ARMC2: variants seen among roughly 807,000 people sequenced by gnomAD.
ARMC2 encodes armadillo repeat containing 2.
ARMC2 carries 67 observed loss-of-function variants against 90.3 expected under a neutral mutation model. That is an observed-to-expected ratio of 0.74 (90% CI 0.61 to 0.91). The LOEUF (loss-of-function observed/expected upper bound fraction) is 0.91, where lower values mean the gene tolerates loss of function less well. ARMC2 is among the 40% of genes least tolerant of loss of function. The pLI is 0.00. For synonymous variants in ARMC2, 393 were observed against 393.0 expected (o/e 1.00, Z 0.00); for missense variants, 920 against 1,030.9 (o/e 0.89, Z 1.47).
chr6:108,938,115 A>G (rs1232719413), intron 12 of ARMC2, among the ~76,000 whole-genome samples: 1 of 152,222 alleles, frequency 6.6e-6, no homozygotes, highest in African/African-American at 2.4e-5. Flanking sequence ...TTGTCCATGA[A>G]TACAATGAGT....
chr6:108,953,688 CA>C (rs1277980203), intron 13 of ARMC2, among the ~76,000 whole-genome samples: 1 of 152,166 alleles, frequency 6.6e-6, no homozygotes, highest in Non-Finnish European at 1.5e-5. Flanking sequence ...AAACTAACCA[CA>C]AAGAGTTTAA....
intron 11 of ARMC2, 132 bp from the exon 12 acceptor site, chr6:108,936,768 A>G (rs1270198740): frequency 1.4e-6 from 1 of 715,062 alleles, no homozygotes; most frequent in Non-Finnish European, 2.3e-6. Flanking sequence ...ACTGATGTGT[A>G]GAGTATTTTT....
intron 4 of ARMC2, 42 bp from the exon 5 acceptor site, chr6:108,876,101 A>G (rs2128438299): frequency 1.4e-6 from 2 of 1,466,238 alleles, no homozygotes; most frequent in Non-Finnish European, 1.9e-6. Flanking sequence ...GATTCCTAAA[A>G]TAAGAATACT....
downstream of ARMC2, among the ~76,000 whole-genome samples, chr6:108,976,594 G>A (rs1778987429): frequency 1.3e-5 from 2 of 152,152 alleles, no homozygotes; most frequent in African/African-American, 4.8e-5. Flanking sequence ...AATACTTTGG[G>A]CAGTATGGCC....
intron 5 of ARMC2, among the ~76,000 whole-genome samples, chr6:108,882,631 A>G (rs985469042): frequency 6.6e-6 from 1 of 152,206 alleles, no homozygotes; most frequent in Non-Finnish European, 1.5e-5. Flanking sequence ...ACAGTAGGAC[A>G]TGGTGGACAG....
the ARMC2 span, chr6:108,987,368 G>C: frequency 2.0e-6 from 1 of 508,372 alleles, no homozygotes; most frequent in Non-Finnish European, 3.5e-6. Flanking sequence ...CTGCCAAACA[G>C]TCACTGCTTG....
chr6:108,912,745 T>A (rs1773565770), intron 10 of ARMC2, among the ~76,000 whole-genome samples, 187 bp downstream of exon 10: 1 of 152,178 alleles, frequency 6.6e-6, no homozygotes, highest in Admixed American at 6.5e-5. Context: ...GACAGGCTAT[T>A]CCATGGCTAT....
chr6:108,977,993 T>C (rs1164911908), downstream of ARMC2, among the ~76,000 whole-genome samples: 1 of 152,216 alleles, frequency 6.6e-6, no homozygotes, highest in Non-Finnish European at 1.5e-5. Flanking sequence ...TATGTCTCTA[T>C]CACTTTCAGT....
chr6:108,915,255 C>T (rs1773836702), intron 10 of ARMC2, among the ~76,000 whole-genome samples: 1 of 152,072 alleles, frequency 6.6e-6, no homozygotes, highest in Non-Finnish European at 1.5e-5. Flanking sequence ...TGTGCCTGGC[C>T]AGGAGGCATT....
At chr6:108,932,516 CTTTTTTTTTTTTTT>C (rs60000198) in intron 11 of ARMC2, among the ~76,000 whole-genome samples, 4 of 77,894 alleles carry the variant, frequency 5.1e-5, no homozygotes, top group Non-Finnish European at 8.5e-5. Context: ...TTCTCCATTG[CTTTTTTTTTTTTTT>C]TTTTTTTTTT....
the ARMC2 span, among the ~76,000 whole-genome samples, chr6:109,019,958 A>T: frequency 1.2e-4 from 18 of 152,248 alleles, no homozygotes; most frequent in African/African-American, 2.4e-4. Context: ...AGTGGGTTTT[A>T]AAAAATCTAA....
intron 5 of ARMC2, 146 bp from the exon 6 acceptor site, chr6:108,894,321 A>G (rs1327647601): frequency 1.6e-6 from 1 of 642,634 alleles, no homozygotes; most frequent in African/African-American, 1.9e-5. Flanking sequence ...AGCTATGATC[A>G]CAGCACCACT....
chr6:108,858,318 T>C (rs763822299), intron 3 of ARMC2, 47 bp downstream of exon 3: 1 of 1,478,680 alleles, frequency 6.8e-7, no homozygotes, highest in East Asian at 2.3e-5. Flanking sequence ...TGTTGTGAAA[T>C]GAAATTGGCC....
intron 11 of ARMC2, among the ~76,000 whole-genome samples, chr6:108,933,207 T>C (rs1010162815): frequency 6.6e-6 from 1 of 152,166 alleles, no homozygotes; most frequent in Non-Finnish European, 1.5e-5. Context: ...AAGCATGGGA[T>C]GTTTTCCCAT....
chr6:108,990,515 A>G, the ARMC2 span: 1 of 819,290 alleles, frequency 1.2e-6, no homozygotes, highest in Non-Finnish European at 2.0e-6. Context: ...CATAAATAGC[A>G]TAAAAATAAG....
the ARMC2 span, chr6:108,992,686 A>G: frequency 5.3e-6 from 4 of 751,416 alleles, no homozygotes; most frequent in Non-Finnish European, 9.5e-6. Flanking sequence ...TACTGCCTGC[A>G]AAGCACTTAG....
At chr6:108,937,082 T>C in intron 12 of ARMC2, 83 bp downstream of exon 12, 1 of 1,219,746 alleles carries the variant, frequency 8.2e-7, no homozygotes, top group South Asian at 1.4e-5. Flanking sequence ...TCTTTATGTT[T>C]TGAGTATATA....
downstream of ARMC2, among the ~76,000 whole-genome samples, chr6:108,975,734 T>C (rs1562446648): frequency 1.3e-5 from 2 of 152,246 alleles, no homozygotes; most frequent in Non-Finnish European, 2.9e-5. Flanking sequence ...TGGTTTTGAT[T>C]TGCATTTCTC....
At chr6:108,908,346 G>T (rs2768566) in intron 8 of ARMC2, among the ~76,000 whole-genome samples, 111,126 of 152,158 alleles carry the variant, frequency 0.73, 41,107 homozygotes, top group Middle Eastern at 0.81. Flanking sequence ...CCCTCCAGCT[G>T]GGGGCTGACC....
Sources: gnomAD v4.1 joint callset for allele counts (sites outside exome capture counted in the v4.1 genomes callset) on GRCh38, gnomAD v4.1.1 for gene constraint, MANE v1.5 for transcripts, NCBI Gene and HGNC (gene_info 2026-07-23, HGNC 2026-07-21) for gene names.